CCSER1: variants seen among roughly 807,000 people sequenced by gnomAD.
CCSER1 encodes the protein serine-rich coiled-coil domain-containing protein 1.
CCSER1 carries 41 observed loss-of-function variants against 82.0 expected under a neutral mutation model. The ratio of observed to expected loss-of-function variants is 0.50; its 90% CI spans 0.39 to 0.65. CCSER1 has a LOEUF of 0.65. Ranked by LOEUF, CCSER1 falls within the 30% of genes least tolerant of loss-of-function variation. The pLI is 0.00. For synonymous variants in CCSER1, 414 were observed against 383.9 expected (o/e 1.08, Z -0.92); for missense variants, 1,119 against 1,064.2 (o/e 1.05, Z -0.72).
At chr4:91,006,484 C>CA (rs1738519291) in intron 9 of CCSER1, among the ~76,000 whole-genome samples, 1 of 147,202 alleles carries the variant, frequency 6.8e-6, no homozygotes. Context: ...CCTTTTATTT[C>CA]TTTTTTTCTT....
At chr4:90,757,933 C>CTTTTTTTTTTTTT (rs200053849) in intron 7 of CCSER1, among the ~76,000 whole-genome samples, 7 of 136,490 alleles carry the variant, frequency 5.1e-5, no homozygotes, top group African/African-American at 5.4e-5. Context: ...GTTTCCTTTT[C>CTTTTTTTTTTTTT]TTTTTTTTTT....
At chr4:91,523,741 G>T (rs981300480) in intron 10 of CCSER1, among the ~76,000 whole-genome samples, 1 of 151,940 alleles carries the variant, frequency 6.6e-6, no homozygotes, top group Non-Finnish European at 1.5e-5. Flanking sequence ...TATTTTTATT[G>T]CGTCCATTTG....
intron 10 of CCSER1, among the ~76,000 whole-genome samples, chr4:91,452,310 A>C (rs1237041910): frequency 6.6e-6 from 1 of 152,006 alleles, no homozygotes; most frequent in Admixed American, 6.6e-5. Flanking sequence ...AGCCTTTTGA[A>C]AACATTTTAC....
chr4:91,084,665 A>G (rs2148813494), intron 9 of CCSER1, among the ~76,000 whole-genome samples: 1 of 152,296 alleles, frequency 6.6e-6, no homozygotes, highest in East Asian at 1.9e-4. Context: ...CATATAATTT[A>G]GCCTCTTTAA....
At chr4:90,266,884 A>G (rs753615873) in intron 1 of CCSER1, among the ~76,000 whole-genome samples, 33 of 152,024 alleles carry the variant, frequency 2.2e-4, no homozygotes, top group South Asian at 4.1e-4. Context: ...GGCAAGTCTT[A>G]GTACTATGCT....
At chr4:90,228,958 A>T (rs1176680491) in intron 1 of CCSER1, among the ~76,000 whole-genome samples, 2 of 152,206 alleles carry the variant, frequency 1.3e-5, no homozygotes, top group Non-Finnish European at 2.9e-5. Flanking sequence ...CCTCCAAGAA[A>T]TATGGGACTA....
In CCSER1 at chr4:90,903,177, A is replaced by T. The variant is rs11938241; in HGVS notation, c.2095-20193A>T. Among the ~76,000 whole-genome samples, 1,432 of 152,078 alleles carry T rather than the reference A, an allele frequency of 9.4e-3. 19 individuals are homozygous for T. The highest frequency in any genetic ancestry group is 0.033 in the African/African-American group (1,366 of 41,486). On this transcript the variant is annotated intron_variant, in intron 8 of 10. Transcript: ENST00000509176. Reference sequence around the variant, plus strand: ...TGGCTGTGTCCCTCTCCAAATCTCAACTTGAATTGTATCTCCCAGAATTCC... The same window carrying T: ...TGGCTGTGTCCCTCTCCAAATCTCATCTTGAATTGTATCTCCCAGAATTCC...
intron 7 of CCSER1, among the ~76,000 whole-genome samples, chr4:90,786,276 CTAA>C (rs1339927501): frequency 6.6e-6 from 1 of 152,126 alleles, no homozygotes; most frequent in Non-Finnish European, 1.5e-5. Context: ...ACTATGTGTT[CTAA>C]TAATGATGTT....
rs1372917612 is a variant in CCSER1, at chr4:90,147,151, A to T, written c.-42+19320A>T. Among the ~76,000 whole-genome samples, 3 of 151,398 alleles carry T rather than the reference A, an allele frequency of 2.0e-5. No homozygotes were observed. In the East Asian group the frequency reaches 5.8e-4, roughly 29 times the overall value. ...TCATTTAATGCTTTCCATGTGTAAG[A>T]CACTTTACTGTGTCTTTCTGTGTGT... On this transcript the variant is annotated intron_variant, in intron 1 of 10. Transcript: ENST00000509176.
At chr4:91,461,622 T>G (rs1249070287) in intron 10 of CCSER1, among the ~76,000 whole-genome samples, 4 of 152,204 alleles carry the variant, frequency 2.6e-5, no homozygotes, top group Non-Finnish European at 5.9e-5. Flanking sequence ...TGGATTTCGG[T>G]GGAGCTCTTT....
chr4:90,401,700 T>G (rs1300768926), intron 4 of CCSER1, among the ~76,000 whole-genome samples: 5 of 152,000 alleles, frequency 3.3e-5, no homozygotes, highest in African/African-American at 9.7e-5. Context: ...CATCCAATTT[T>G]TGTATTTTAG....
chr4:90,905,174 C>T (rs1375640075), intron 8 of CCSER1, among the ~76,000 whole-genome samples: 1 of 152,088 alleles, frequency 6.6e-6, no homozygotes, highest in African/African-American at 2.4e-5. Context: ...AATTTCCTTT[C>T]TCCGATATCA....
intron 4 of CCSER1, among the ~76,000 whole-genome samples, chr4:90,457,412 G>T (rs1287496440): frequency 2.6e-5 from 4 of 152,150 alleles, no homozygotes; most frequent in Non-Finnish European, 5.9e-5. Context: ...CATTCAGCAG[G>T]TCCCAAGTAC....
At chr4:90,576,559 T>C (rs930297115) in intron 5 of CCSER1, among the ~76,000 whole-genome samples, 3 of 152,186 alleles carry the variant, frequency 2.0e-5, no homozygotes, top group Admixed American at 6.5e-5. Context: ...CAACCACTGA[T>C]GCTTTTTCTT....
intron 6 of CCSER1, among the ~76,000 whole-genome samples, chr4:90,688,748 T>G (rs1253327453): frequency 6.6e-6 from 1 of 152,172 alleles, no homozygotes; most frequent in African/African-American, 2.4e-5. Flanking sequence ...CTGATACATC[T>G]GTGGAATTTT....
chr4:90,231,901 A>T (rs1744644819), intron 1 of CCSER1, among the ~76,000 whole-genome samples: 1 of 149,828 alleles, frequency 6.7e-6, no homozygotes. Context: ...AATACCTAGG[A>T]ATCCAACTTA....
chr4:91,437,997 C>G (rs1384071182), intron 10 of CCSER1, among the ~76,000 whole-genome samples: 1 of 152,182 alleles, frequency 6.6e-6, no homozygotes, highest in Non-Finnish European at 1.5e-5. Flanking sequence ...CTGGGTGGAG[C>G]CCACCACAGC....
chr4:91,506,439 T>G (rs2110104686), intron 10 of CCSER1, among the ~76,000 whole-genome samples: 1 of 152,288 alleles, frequency 6.6e-6, no homozygotes, highest in South Asian at 2.1e-4. Flanking sequence ...GGCTATTTTT[T>G]GGTTCCATAT....
intron 2 of CCSER1, among the ~76,000 whole-genome samples, chr4:90,312,053 G>A (rs974393186): frequency 2.0e-5 from 3 of 152,176 alleles, no homozygotes; most frequent in Non-Finnish European, 4.4e-5. Flanking sequence ...TGGGATTCCA[G>A]TTTGCATTTT....
Sources: allele counts gnomAD v4.1 joint callset (sites outside exome capture counted in the v4.1 genomes callset), GRCh38; gene constraint gnomAD v4.1.1; transcripts MANE v1.5; gene names NCBI Gene and HGNC (gene_info 2026-07-23, HGNC 2026-07-21).